ARHGAP44: variants seen among roughly 807,000 people sequenced by gnomAD.
ARHGAP44 encodes rho GTPase-activating protein 44.
In ARHGAP44, 43 loss-of-function variants were observed where a neutral mutation model predicts 106.8. The observed-to-expected ratio is 0.40, with a 90% CI of 0.32 to 0.52. ARHGAP44 has a LOEUF of 0.52. ARHGAP44 is among the 20% of genes least tolerant of loss of function. The pLI is 0.48. For synonymous variants in ARHGAP44, 439 were observed against 410.3 expected (o/e 1.07, Z -0.85); for missense variants, 866 against 1,050.5 (o/e 0.82, Z 2.43).
chr17:12,881,353 T>C (rs1328080406), intron 1 of ARHGAP44, among the ~76,000 whole-genome samples: 1 of 152,046 alleles, frequency 6.6e-6, no homozygotes, highest in East Asian at 1.9e-4. Context: ...CCGTGTAGAG[T>C]AGAAACCCTA....
chr17:12,789,932 A>G, intron 1 of ARHGAP44, 41 bp downstream of exon 1: 1 of 1,459,808 alleles, frequency 6.9e-7, no homozygotes. Context: ...CGCGCCCGCG[A>G]GGCTGCATCC....
chr17:12,990,853 G>GAATCT lies in ARHGAP44; in HGVS notation c.*684_*688dup, dbSNP rs2040115428. On this transcript the variant is annotated 3_prime_UTR_variant, in exon 21 of 21. Transcript: ENST00000379672. Reference sequence around the variant, plus strand: ...AGCTCCTATATCATTTTATATTTCTGAATCTATAAAACAAAACAAACAAGC... The same window carrying GAATCT: ...AGCTCCTATATCATTTTATATTTCTGAATCTAATCTATAAAACAAAACAAACAAGC... 6.6e-6 allele frequency: 1 copy of GAATCT among 152,190 alleles called. No homozygotes were observed. The highest frequency in any genetic ancestry group is 2.4e-5 in the African/African-American group (1 of 41,418). 9.4% of individuals were successfully genotyped at this position (152,190 alleles called of 1,614,324 possible). A position where few individuals can be genotyped will look rare whatever the true frequency, so the allele number is the denominator to read the frequency against.
In ARHGAP44 at chr17:12,908,842, T is replaced by G. The variant is rs954723656; in HGVS notation, c.199-55T>G. The G allele has an allele frequency of 5.5e-6, 8 of 1,447,802 alleles. No homozygotes were observed. In the Admixed American group the frequency reaches 7.9e-5, roughly 14 times the overall value. The allele number at this position is 1,447,802 out of a possible 1,614,324, so 89.7% of individuals were successfully genotyped here. On this transcript the variant is annotated intron_variant, in intron 3 of 20. Transcript: ENST00000379672. ...GTATTTGACTTTTTGCTATTTTAGATTCAACAGATGAATATGGAAAGTAGC... is the reference window on the plus strand; with the variant it reads ...GTATTTGACTTTTTGCTATTTTAGAGTCAACAGATGAATATGGAAAGTAGC...
chr17:12,959,650 G>A lies in ARHGAP44; in HGVS notation c.1523+753G>A, dbSNP rs116744145. Among the ~76,000 whole-genome samples, 388 of 152,328 alleles carry A rather than the reference G, an allele frequency of 2.5e-3. 1 individual carries two copies. The highest frequency in any genetic ancestry group is 8.9e-3 in the African/African-American group (370 of 41,570). The stretch of plus-strand genomic sequence containing the variant: ...AACCAGAGGACGTGGACTAATGAGC[G>A]TGTTCAGCAAGCTGCAGGCATCCAC... On this transcript the variant is annotated intron_variant, in intron 16 of 20. Transcript: ENST00000379672.
At chr17:12,810,570 T>G (rs145569498) in intron 1 of ARHGAP44, among the ~76,000 whole-genome samples, 40 of 152,168 alleles carry the variant, frequency 2.6e-4, no homozygotes, top group African/African-American at 7.5e-4. Context: ...AGGGGAGAAG[T>G]GGAGATCGAG....
At position 12,822,157 on chromosome 17, in the gene ARHGAP44, G is replaced by A. The variant is rs577627603; in HGVS notation, c.53+32266G>A. On this transcript the variant is annotated intron_variant, in intron 1 of 20. Coordinates refer to ENST00000379672, the MANE Select transcript of ARHGAP44 (RefSeq NM_014859.6). ...CAGGGCCAGGCAGTAAATATTTTAG[G>A]CTTTGTGGGAAACTACTCTGCTATT... Among the ~76,000 whole-genome samples the A allele has an allele frequency of 6.6e-5, 10 of 152,240 alleles. No homozygotes were observed. The South Asian group carries it at 2.1e-3, about 32-fold the overall frequency.
intron 1 of ARHGAP44, among the ~76,000 whole-genome samples, chr17:12,880,156 T>C (rs898509800): frequency 6.6e-6 from 1 of 152,168 alleles, no homozygotes; most frequent in Non-Finnish European, 1.5e-5. Context: ...TGTAATATGC[T>C]TAAATACTTA....
At chr17:12,937,337 A>G (rs2038577414) in intron 7 of ARHGAP44, among the ~76,000 whole-genome samples, 1 of 152,216 alleles carries the variant, frequency 6.6e-6, no homozygotes, top group African/African-American at 2.4e-5. Flanking sequence ...TGAAAGCAGG[A>G]GAGGATTTTT....
chr17:12,969,541 T>C (rs1388128984), intron 16 of ARHGAP44, among the ~76,000 whole-genome samples: 2 of 152,346 alleles, frequency 1.3e-5, no homozygotes, highest in South Asian at 2.1e-4. Flanking sequence ...CTAGGATTCA[T>C]ACCCAAATTC....
chr17:12,824,700 A>G (rs1366859467), intron 1 of ARHGAP44, among the ~76,000 whole-genome samples: 3 of 152,084 alleles, frequency 2.0e-5, no homozygotes, highest in African/African-American at 7.2e-5. Context: ...CACTCAGAGG[A>G]AAAAGACTAG....
At chr17:12,968,797 T>C (rs915647513) in intron 16 of ARHGAP44, among the ~76,000 whole-genome samples, 7 of 149,150 alleles carry the variant, frequency 4.7e-5, no homozygotes, top group Admixed American at 4.1e-4. Context: ...TGATACAGAG[T>C]CTCACACTGT....
intron 7 of ARHGAP44, among the ~76,000 whole-genome samples, chr17:12,933,973 C>A (rs771590135): frequency 6.6e-6 from 1 of 151,918 alleles, no homozygotes; most frequent in African/African-American, 2.4e-5. Flanking sequence ...CTCAGCCTCC[C>A]GAGTAGCTGG....
intron 1 of ARHGAP44, among the ~76,000 whole-genome samples, chr17:12,791,816 A>G (rs1193582438): frequency 1.3e-5 from 2 of 152,096 alleles, no homozygotes; most frequent in Admixed American, 6.5e-5. Context: ...ATGTTGGCCT[A>G]TGGATGAATT....
rs2038783509 is a variant in ARHGAP44, at chr17:12,944,156, C to T, written c.821C>T (p.Ala274Val). 5 of 1,612,092 alleles carry T rather than the reference C, an allele frequency of 3.1e-6. No homozygotes were observed. Among genetic ancestry groups the T allele is most frequent in the Admixed American group, 3.3e-5 (2 of 59,986 alleles). Residue 274 changes from alanine to valine, a missense_variant, in exon 10 of 21, where the codon GCG becomes GTG. Physicochemically the swap from Ala to Val is moderately conservative, Grantham distance 64 (BLOSUM62 0). This residue lies in a region of ARHGAP44 where 448 missense variants were observed against 646.9 expected (regional missense o/e 0.69). Coordinates refer to ENST00000379672, the MANE Select transcript of ARHGAP44 (RefSeq NM_014859.6). ...SGREIAFPIE[A>V]CVTMLLECGM... is the part of the protein sequence containing the mutation. ...CGGGAGATCGCCTTCCCCATCGAGG[C>T]GTGTGTGACCATGCTGCTTGAGTGT...
chr17:12,968,808 C>T (rs1431045758), intron 16 of ARHGAP44, among the ~76,000 whole-genome samples: 3 of 148,066 alleles, frequency 2.0e-5, no homozygotes, highest in South Asian at 2.1e-4. Context: ...CTCACACTGT[C>T]GCCCAGGTTG....
intron 1 of ARHGAP44, among the ~76,000 whole-genome samples, chr17:12,811,671 A>G (rs1462676195): frequency 6.6e-6 from 1 of 152,140 alleles, no homozygotes; most frequent in East Asian, 1.9e-4. Flanking sequence ...AGTCTAGGTA[A>G]TTAGTGTCAG....
At chr17:12,989,988 C>T (rs771313319) in intron 20 of ARHGAP44, 44 bp from the exon 21 acceptor site, 60 of 1,586,766 alleles carry the variant, frequency 3.8e-5, no homozygotes, top group South Asian at 6.7e-5. Context: ...TCTCATTTGC[C>T]GGGAAGCCTC....
intron 3 of ARHGAP44, among the ~76,000 whole-genome samples, chr17:12,901,714 A>T (rs1011544328): frequency 6.6e-6 from 1 of 152,078 alleles, no homozygotes; most frequent in Non-Finnish European, 1.5e-5. Flanking sequence ...ATGGCTTTTG[A>T]ATCAGGAACC....
intron 6 of ARHGAP44, among the ~76,000 whole-genome samples, chr17:12,926,439 G>T (rs1027217712): frequency 8.3e-6 from 1 of 121,122 alleles, no homozygotes; most frequent in Admixed American, 8.9e-5. Flanking sequence ...TAATATATAT[G>T]TATATACATA....
Sources: gnomAD v4.1 joint callset for allele counts (sites outside exome capture counted in the v4.1 genomes callset) on GRCh38, gnomAD v4.1.1 for gene constraint, gnomAD v4.1.1 regional missense constraint, MANE v1.5 for transcripts, NCBI Gene and HGNC (gene_info 2026-07-23, HGNC 2026-07-21) for gene names.